The following EVI5L variants were observed in gnomAD, a reference collection of about 807,000 sequenced individuals.
EVI5L encodes the protein ecotropic viral integration site 5 like.
EVI5L carries 30 observed loss-of-function variants against 106.1 expected under a neutral mutation model. The observed-to-expected ratio is 0.28, with a 90% CI of 0.21 to 0.38. EVI5L has a LOEUF of 0.38. Ranked by LOEUF, EVI5L falls within the 10% of genes least tolerant of loss-of-function variation. The probability of loss-of-function intolerance (pLI) is 1.00; values close to 1 mark genes in which losing one functional copy is unlikely to be tolerated. For synonymous variants in EVI5L, 489 were observed against 483.3 expected (o/e 1.01, Z -0.15); for missense variants, 809 against 1,098.0 (o/e 0.74, Z 3.72).
chr19:7,838,265 C>T (rs186240781), intron 1 of EVI5L, among the ~76,000 whole-genome samples: 1 of 152,116 alleles, frequency 6.6e-6, no homozygotes, highest in South Asian at 2.1e-4. Flanking sequence ...TGTGCCACCA[C>T]GCCCAGCAAA....
rs3826742 is a variant in EVI5L, at chr19:7,848,866, C to T, written c.328-55C>T. ...CCTGAGGAGCTGGGCTGGGTGGCCA[C>T]GGGGAGGCTGCGCTGGGACCGAGTC... is the stretch of plus-strand genomic sequence containing the variant. On this transcript the variant is annotated intron_variant, in intron 3 of 19. Transcript: ENST00000538904. The surrounding 1 kb of genome is among the most constrained non-coding windows in gnomAD (Gnocchi z 4.8). 919,607 of 1,554,910 alleles carry T rather than the reference C, an allele frequency of 0.59. 277,768 individuals carry two copies. Among genetic ancestry groups the T allele is most frequent in the South Asian group, 0.72 (61,690 of 85,376 alleles).
chr19:7,839,837 C>A (rs1978519579), intron 1 of EVI5L, among the ~76,000 whole-genome samples: 1 of 152,056 alleles, frequency 6.6e-6, no homozygotes, highest in South Asian at 2.1e-4. Flanking sequence ...GTGGGAGGAT[C>A]ACTTGAGGCC....
In EVI5L at chr19:7,853,178, G is replaced by T. The variant is rs1280769925; in HGVS notation, c.1080G>T (p.Met360Ile). The T allele has an allele frequency of 1.2e-6, 2 of 1,613,986 alleles. No individual in the cohort carries two copies. The highest frequency in any genetic ancestry group is 2.7e-5 in the African/African-American group (2 of 74,954). The change falls in exon 9 of 20, where the codon ATG becomes ATT. Residue 360 changes from methionine to isoleucine, a missense_variant. Coordinates refer to ENST00000538904, the MANE Select transcript of EVI5L (RefSeq NM_001159944.3). ...AYQVKYNPKK[M>I]KRLEKEYAAM... ...AGGTCAAGTACAACCCCAAGAAGAT[G>T]AAGAGGTCGGTGCCTGCTGGGCAAC...
Position 7,856,164 on chromosome 19 carries a change from T to G in EVI5L, c.1200+96T>G. ...AACCTGGGGTGGACTCCTCCAAGTCTTCTCCTCTCTGGAGGACTAAGCAGC... is the reference window on the plus strand; with the variant it reads ...AACCTGGGGTGGACTCCTCCAAGTCGTCTCCTCTCTGGAGGACTAAGCAGC... On this transcript the variant is annotated intron_variant, in intron 11 of 19. Coordinates refer to ENST00000538904, the MANE Select transcript of EVI5L (RefSeq NM_001159944.3). This position sits in a 1 kb window ranked among gnomAD's most constrained non-coding sequence, Gnocchi z 6.6. The G allele has an allele frequency of 8.4e-7, 1 of 1,185,604 alleles. No individual in the cohort carries two copies. The highest frequency in any genetic ancestry group is 1.1e-6 in the Non-Finnish European group (1 of 912,306). 73.4% of individuals were successfully genotyped at this position (1,185,604 alleles called of 1,614,324 possible). A position where few individuals can be genotyped will look rare whatever the true frequency, so the allele number is the denominator to read the frequency against.
intron 1 of EVI5L, among the ~76,000 whole-genome samples, chr19:7,837,852 T>C (rs2146413000): frequency 6.6e-6 from 1 of 152,006 alleles, no homozygotes; most frequent in South Asian, 2.1e-4. Context: ...TGCAGGCATG[T>C]GCCACCACGC....
At chr19:7,844,026 C>T (rs1023021657) in intron 1 of EVI5L, among the ~76,000 whole-genome samples, 2 of 151,980 alleles carry the variant, frequency 1.3e-5, no homozygotes, top group Non-Finnish European at 2.9e-5. Flanking sequence ...TGCTGGTGGA[C>T]GGCTCCCGGG....
intron 1 of EVI5L, among the ~76,000 whole-genome samples, chr19:7,834,223 C>G (rs892644673): frequency 6.6e-6 from 1 of 152,166 alleles, no homozygotes; most frequent in African/African-American, 2.4e-5. Flanking sequence ...GTGGTGCACA[C>G]CTGTAGCCCC....
chr19:7,839,570 C>A (rs62125117), intron 1 of EVI5L, among the ~76,000 whole-genome samples: 1 of 151,974 alleles, frequency 6.6e-6, no homozygotes, highest in Admixed American at 6.6e-5. Flanking sequence ...GTTCTGGTGG[C>A]CCCATGGACA....
chr19:7,851,331 C>T (rs1979238701), intron 6 of EVI5L, 103 bp from the exon 7 acceptor site: 2 of 1,409,860 alleles, frequency 1.4e-6, no homozygotes, highest in Admixed American at 4.3e-5. Context: ...CTGCCCAGCG[C>T]AGGTCCAGGA....
chr19:7,861,530 C>T (rs1264731184), intron 14 of EVI5L, among the ~76,000 whole-genome samples: 2 of 152,236 alleles, frequency 1.3e-5, no homozygotes, highest in South Asian at 2.1e-4. Context: ...GGCCAGAGGG[C>T]AGACAGGGTG....
At position 7,851,818 on chromosome 19, in the gene EVI5L, T is replaced by C. The variant is rs199923685; in HGVS notation, c.987+48T>C. On this transcript the variant is annotated intron_variant, in intron 8 of 19. Coordinates refer to ENST00000538904, the MANE Select transcript of EVI5L (RefSeq NM_001159944.3). ...GGTGGGGCTGCCCCCAATCAGGGGC[T>C]TCGAGTCACAGGATGCCCTCACAAG... 1.6e-4 allele frequency: 239 copies of C among 1,452,616 alleles called. No individual in the cohort carries two copies. In the African/African-American group the frequency reaches 3.2e-3, roughly 20 times the overall value. The allele number at this position is 1,452,616 out of a possible 1,614,324, so 90.0% of individuals were successfully genotyped here.
At position 7,863,153 on chromosome 19, in the gene EVI5L, A is replaced by C. The variant is rs904578948; in HGVS notation, c.2044-32A>C. 1.0e-5 allele frequency: 16 copies of C among 1,546,080 alleles called. No homozygotes were observed. The highest frequency in any genetic ancestry group is 2.0e-5 in the Admixed American group (1 of 50,888). On this transcript the variant is annotated intron_variant, in intron 18 of 19. Coordinates refer to ENST00000538904, the MANE Select transcript of EVI5L (RefSeq NM_001159944.3). This position sits in a 1 kb window ranked among gnomAD's most constrained non-coding sequence, Gnocchi z 7.7. ...GGCCGGACCCCAGGCCCAGCATGGC[A>C]CTGGCCCCGCGTGACCTGGCGCACC...
Position 7,858,608 on chromosome 19 carries a change from G to T in EVI5L, c.1374+277G>T. 1 of 492,104 alleles carries T rather than the reference G, an allele frequency of 2.0e-6. No homozygotes were observed. The highest frequency in any genetic ancestry group is 3.7e-5 in the East Asian group (1 of 26,986). The allele number at this position is 492,104 out of a possible 1,614,324, so 30.5% of individuals were successfully genotyped here. On this transcript the variant is annotated intron_variant, in intron 13 of 19. Transcript: ENST00000538904. This position sits in a 1 kb window ranked among gnomAD's most constrained non-coding sequence, Gnocchi z 5.7. ...TCAGCACGGAGGCCTCTGAAGACCG[G>T]GCTGTCCCTGCAGGGTTTCCTCTGT...
Position 7,862,016 on chromosome 19 carries a change from C to A in EVI5L, c.1642C>A (p.Gln548Lys). The change falls in exon 15 of 20, where the codon CAG (glutamine) becomes AAG (lysine). Residue 548 changes from glutamine (Q) to lysine (K), a missense_variant and splice_region_variant. Physicochemically the swap from Gln to Lys is moderately conservative, Grantham distance 53. This residue lies in a region of EVI5L where 452 missense variants were observed against 509.9 expected (regional missense o/e 0.89). Coordinates refer to ENST00000538904, the MANE Select transcript of EVI5L (RefSeq NM_001159944.3). The stretch of plus-strand genomic sequence containing the variant: ...GCTGCAGGAGCTCTCGGACACCTGG[C>A]AGGTGAGGGCCGGGTGGGCGCCGGC... ...LQLQELSDTW[Q>K]AHLARGGRWK... 1.9e-6 allele frequency: 3 copies of A among 1,544,730 alleles called. No homozygotes were observed. The highest frequency in any genetic ancestry group is 2.6e-6 in the Non-Finnish European group (3 of 1,144,446).
intron 1 of EVI5L, among the ~76,000 whole-genome samples, chr19:7,842,883 A>G (rs1978706921): frequency 6.7e-6 from 1 of 149,614 alleles, no homozygotes; most frequent in Non-Finnish European, 1.5e-5. Context: ...GTGAATGTGC[A>G]TGGGTATGTG....
chr19:7,843,235 AGT>A (rs146715535), intron 1 of EVI5L, among the ~76,000 whole-genome samples: 11,011 of 118,102 alleles, frequency 0.093, 496 homozygotes, highest in East Asian at 0.12. Context: ...GTGTGTGTCG[AGT>A]GTGTGCATGT....
In EVI5L at chr19:7,850,800, G is replaced by A. The variant is rs1261055241; in HGVS notation, c.754-634G>A. ...AAGGCACCACCCCACCTCAGGCTGG[G>A]TAGCAGAGCCCTCCCACAGCCAAGC... On this transcript the variant is annotated intron_variant, in intron 6 of 19. Coordinates refer to ENST00000538904, the MANE Select transcript of EVI5L (RefSeq NM_001159944.3). The surrounding 1 kb of genome is among the most constrained non-coding windows in gnomAD (Gnocchi z 5.4). Among the ~76,000 whole-genome samples the A allele has an allele frequency of 6.6e-6, 1 of 152,158 alleles. No individual in the cohort carries two copies. Among genetic ancestry groups the A allele is most frequent in the Non-Finnish European group, 1.5e-5 (1 of 68,014 alleles).
At chr19:7,846,446 A>C in intron 1 of EVI5L, 50 bp from the exon 2 acceptor site, 1 of 1,461,662 alleles carries the variant, frequency 6.8e-7, no homozygotes, top group Non-Finnish European at 9.1e-7. Flanking sequence ...GGCAGGCAGG[A>C]TGGAGTGGGC....
Position 7,846,590 on chromosome 19 carries a change from G to C in EVI5L, c.48G>C (p.Leu16=). ...CCGACTCCTCATCCCAGGAGGCCCT[G>C]TCGGCCCCCACCTGCTCCCCAACCT... ...LSPDSSSQEA[L]SAPTCSPTSD... is the part of the protein sequence containing the mutation. Residue 16 remains leucine, a synonymous_variant, in exon 2 of 20, where the codon CTG becomes CTC. Transcript: ENST00000538904. 6.2e-7 allele frequency: 1 copy of C among 1,613,828 alleles called. No homozygotes were observed. Among genetic ancestry groups the C allele is most frequent in the Non-Finnish European group, 8.5e-7 (1 of 1,179,954 alleles).
Sources: gnomAD v4.1 joint callset for allele counts (sites outside exome capture counted in the v4.1 genomes callset) on GRCh38, gnomAD v4.1.1 for gene constraint, gnomAD v4.1.1 regional missense constraint, Gnocchi (gnomAD v3.1) non-coding constraint, MANE v1.5 for transcripts, NCBI Gene and HGNC (gene_info 2026-07-23, HGNC 2026-07-21) for gene names.